UBE2E3: variants seen among roughly 807,000 people sequenced by gnomAD.
The protein encoded by UBE2E3 is ubiquitin-conjugating enzyme E2 E3.
In UBE2E3, 5 loss-of-function variants were observed where a neutral mutation model predicts 23.6. The ratio of observed to expected loss-of-function variants is 0.21; its 90% confidence interval spans 0.11 to 0.44. The LOEUF is 0.44. Ranked by LOEUF, UBE2E3 falls within the 20% of genes least tolerant of loss-of-function variation. UBE2E3 has a pLI of 0.99. For synonymous variants in UBE2E3, 78 were observed against 87.5 expected (o/e 0.89, Z 0.60); for missense variants, 81 against 249.8 (o/e 0.32, Z 4.55).
chr2:181,021,566 T>TCCTTCCTCCCTCCCTC (rs1685684402), intron 3 of UBE2E3, among the ~76,000 whole-genome samples: 1 of 101,896 alleles, frequency 9.8e-6, no homozygotes, highest in African/African-American at 4.6e-5. Flanking sequence ...CTTCCTTCCT[T>TCCTTCCTCCCTCCCTC]CCTTCCTCCC....
chr2:181,002,141 T>G (rs138199875), intron 3 of UBE2E3, among the ~76,000 whole-genome samples: 113 of 152,294 alleles, frequency 7.4e-4, no homozygotes, highest in African/African-American at 2.6e-3. Flanking sequence ...GGGATGAGGT[T>G]GACTTTATGG....
intron 3 of UBE2E3, among the ~76,000 whole-genome samples, chr2:180,995,632 GTT>G (rs1574163862): frequency 1.3e-5 from 2 of 151,618 alleles, no homozygotes; most frequent in Admixed American, 6.6e-5. Context: ...CTTAGAGTCT[GTT>G]TTGCTTATTG....
At position 180,988,659 on chromosome 2, in the gene UBE2E3, G is replaced by A. The variant is rs1180246075; in HGVS notation, c.245+4566G>A. On this transcript the variant is annotated intron_variant, in intron 3 of 5. Transcript: ENST00000410062. ...ACCCCATAGCATTCTTTCCATGTCT[G>A]TGAACTAAGGAGAAATTTTGAAAGC... 2.0e-5 allele frequency among the ~76,000 whole-genome samples: 3 copies of A among 152,238 alleles called. No homozygotes were observed. The East Asian group carries it at 5.8e-4, about 29-fold the overall frequency.
At chr2:181,007,383 C>T (rs1344585288) in intron 3 of UBE2E3, among the ~76,000 whole-genome samples, 1 of 152,092 alleles carries the variant, frequency 6.6e-6, no homozygotes, top group Admixed American at 6.6e-5. Flanking sequence ...ATGTTGCTCC[C>T]TATTGATAAT....
chr2:181,026,043 G>T (rs1035573700), intron 3 of UBE2E3, among the ~76,000 whole-genome samples: 10 of 151,828 alleles, frequency 6.6e-5, no homozygotes, highest in African/African-American at 2.4e-4. Flanking sequence ...TCATTTGCAG[G>T]GTCAACAGAG....
intron 3 of UBE2E3, among the ~76,000 whole-genome samples, chr2:180,990,852 A>G (rs1025251747): frequency 6.6e-6 from 1 of 152,210 alleles, no homozygotes; most frequent in African/African-American, 2.4e-5. Context: ...CATCATTATG[A>G]CAATACACAA....
intron 2 of UBE2E3, among the ~76,000 whole-genome samples, chr2:180,983,178 A>C (rs1684355310): frequency 6.6e-6 from 1 of 152,206 alleles, no homozygotes; most frequent in African/African-American, 2.4e-5. Context: ...GAATATAAAA[A>C]CTGATCAAAT....
At chr2:180,990,048 C>T in intron 3 of UBE2E3, 2 of 1,390,032 alleles carry the variant, frequency 1.4e-6, no homozygotes, top group Non-Finnish European at 2.0e-6. Flanking sequence ...CCAATTTTGA[C>T]AGGTAAGTAT....
chr2:181,008,416 G>A (rs1187563620), intron 3 of UBE2E3, among the ~76,000 whole-genome samples: 1 of 152,226 alleles, frequency 6.6e-6, no homozygotes, highest in Non-Finnish European at 1.5e-5. Flanking sequence ...AAATCAGGCA[G>A]TCTGGCTCCA....
At chr2:181,024,648 A>G (rs925336557) in intron 3 of UBE2E3, among the ~76,000 whole-genome samples, 1 of 152,214 alleles carries the variant, frequency 6.6e-6, no homozygotes, top group South Asian at 2.1e-4. Flanking sequence ...ACATTTTATT[A>G]TGAAAATGTG....
chr2:180,987,530 A>G, intron 3 of UBE2E3: 1 of 1,048,764 alleles, frequency 9.5e-7, no homozygotes, highest in Non-Finnish European at 1.3e-6. Flanking sequence ...ATTAATAAAT[A>G]GTTTCTTGAT....
chr2:181,006,626 C>T (rs896567420), intron 3 of UBE2E3, among the ~76,000 whole-genome samples: 19 of 151,852 alleles, frequency 1.3e-4, no homozygotes, highest in African/African-American at 2.4e-5. Flanking sequence ...TTCTGTTTTT[C>T]TGTAATTAAA....
intron 3 of UBE2E3, among the ~76,000 whole-genome samples, chr2:181,043,323 T>G (rs975322409): frequency 6.6e-6 from 1 of 152,240 alleles, no homozygotes; most frequent in African/African-American, 2.4e-5. Flanking sequence ...ATGATGGTGA[T>G]GCCAGTCAAC....
chr2:181,063,071 G>T lies in UBE2E3; in HGVS notation c.*183G>T. 8.0e-6 allele frequency: 3 copies of T among 377,058 alleles called. No individual in the cohort carries two copies. The highest frequency in any genetic ancestry group is 1.5e-5 in the Non-Finnish European group (3 of 201,208). The allele number at this position is 377,058 out of a possible 1,614,324, so 23.4% of individuals were successfully genotyped here. On this transcript the variant is annotated 3_prime_UTR_variant, in exon 6 of 6. Transcript: ENST00000410062. This position sits in a 1 kb window ranked among gnomAD's most constrained non-coding sequence, Gnocchi z 4.1. ...ATGCTATCAAGAGTAGAACTTTGTA[G>T]CTGTAGATTAGTTATGTTTAAAACG...
chr2:180,995,636 T>C (rs1684802884), intron 3 of UBE2E3, among the ~76,000 whole-genome samples: 1 of 152,116 alleles, frequency 6.6e-6, no homozygotes, highest in African/African-American at 2.4e-5. Flanking sequence ...GAGTCTGTTT[T>C]GCTTATTGGA....
intron 3 of UBE2E3, among the ~76,000 whole-genome samples, chr2:181,037,203 A>G (rs549818179): frequency 6.6e-5 from 10 of 152,230 alleles, no homozygotes; most frequent in African/African-American, 2.2e-4. Context: ...CAGCAAATAT[A>G]ATTATATGTA....
chr2:181,026,776 A>T lies in UBE2E3; in HGVS notation c.246-30917A>T, dbSNP rs534031469. ...GTCAATATGGTTATACTTATACTTA[A>T]TTTACACATGCTAATGGCAATATTA... On this transcript the variant is annotated intron_variant, in intron 3 of 5. Transcript: ENST00000410062. Among the ~76,000 whole-genome samples the T allele has an allele frequency of 3.9e-4, 60 of 151,984 alleles. 2 individuals are homozygous for T. The South Asian group carries it at 0.012, about 32-fold the overall frequency.
At chr2:181,038,567 A>G (rs923696888) in intron 3 of UBE2E3, among the ~76,000 whole-genome samples, 3 of 152,242 alleles carry the variant, frequency 2.0e-5, no homozygotes, top group Non-Finnish European at 4.4e-5. Context: ...ATTAAGTAAA[A>G]ATCTCTTAGG....
rs181039254 is a variant in UBE2E3, at chr2:180,985,037, T to C, written c.245+944T>C. Among the ~76,000 whole-genome samples, 4 of 152,280 alleles carry C rather than the reference T, an allele frequency of 2.6e-5. No individual in the cohort carries two copies. The East Asian group carries it at 7.7e-4, about 29-fold the overall frequency. ...TATTTTTGCTACAAGTTGTATTCAC[T>C]TGGGATGATCAGACCCTGTCTCTGA... is the stretch of plus-strand genomic sequence containing the variant. On this transcript the variant is annotated intron_variant, in intron 3 of 5. Coordinates refer to ENST00000410062, the MANE Select transcript of UBE2E3 (RefSeq NM_006357.4).
Sources: allele counts gnomAD v4.1 joint callset (sites outside exome capture counted in the v4.1 genomes callset), GRCh38; gene constraint gnomAD v4.1.1; non-coding constraint Gnocchi (gnomAD v3.1); transcripts MANE v1.5; gene names NCBI Gene and HGNC (gene_info 2026-07-23, HGNC 2026-07-21).